The following CNTLN variants were observed in gnomAD, a reference collection of about 807,000 sequenced individuals.
CNTLN encodes centlein.
A neutral mutation model predicts 180.0 loss-of-function variants in CNTLN; 212 were observed. That is an observed-to-expected ratio of 1.18 (90% confidence interval 1.05 to 1.32). CNTLN has a LOEUF of 1.32. CNTLN is among the 40% of genes most tolerant of loss of function. CNTLN has a pLI of 0.00. For missense variants in CNTLN, 2,095 were observed against 1,610.9 expected, an observed-to-expected ratio of 1.30 and a Z score of -5.14; for synonymous variants, 722 against 563.1, an observed-to-expected ratio of 1.28 and a Z score of -3.99.
In CNTLN at chr9:17,244,211, T is replaced by C. The variant is rs556066080; in HGVS notation, c.849+7623T>C. Among the ~76,000 whole-genome samples the C allele has an allele frequency of 3.3e-4, 26 of 79,164 alleles. No individual in the cohort carries two copies. The East Asian group carries it at 8.2e-3, about 25-fold the overall frequency. 51.9% of individuals were successfully genotyped at this position (79,164 alleles called of 152,430 possible). A position where few individuals can be genotyped will look rare whatever the true frequency, so the allele number is the denominator to read the frequency against. On this transcript the variant is annotated intron_variant, in intron 5 of 25. Transcript: ENST00000380647. ...TATGTATTTTTATAGGTTAGGTTTTTGTTTTTGTTTTTTTTTTTGACACAT... is the reference window on the plus strand; with the variant it reads ...TATGTATTTTTATAGGTTAGGTTTTCGTTTTTGTTTTTTTTTTTGACACAT...
At position 17,355,488 on chromosome 9, in the gene CNTLN, T is replaced by C. The variant is rs776750302; in HGVS notation, c.1887-11129T>C. Among the ~76,000 whole-genome samples the C allele has an allele frequency of 6.9e-4, 105 of 152,356 alleles. 1 individual carries two copies. In the Middle Eastern group the frequency reaches 0.031, roughly 44 times the overall value. ...GTTGTAGCTTATGCTTTTGGTGTCATAATCTCAGAATCCATAATGAAATCC... is the reference window on the plus strand; with the variant it reads ...GTTGTAGCTTATGCTTTTGGTGTCACAATCTCAGAATCCATAATGAAATCC... On this transcript the variant is annotated intron_variant, in intron 12 of 25. Coordinates refer to ENST00000380647, the MANE Select transcript of CNTLN (RefSeq NM_017738.4).
intron 23 of CNTLN, among the ~76,000 whole-genome samples, chr9:17,471,730 G>A (rs1454748955): frequency 2.0e-5 from 3 of 151,942 alleles, no homozygotes; most frequent in African/African-American, 4.8e-5. Context: ...CCTTTGAGGT[G>A]GCTTTAGAGT....
At chr9:17,177,541 G>A (rs1003966817) in intron 2 of CNTLN, among the ~76,000 whole-genome samples, 2 of 152,206 alleles carry the variant, frequency 1.3e-5, no homozygotes, top group Non-Finnish European at 2.9e-5. Context: ...AAGGCGGTGT[G>A]TCCGAAGTTT....
chr9:17,377,148 T>C lies in CNTLN; in HGVS notation c.1987+10431T>C, dbSNP rs185139459. Among the ~76,000 whole-genome samples the C allele has an allele frequency of 3.0e-3, 454 of 152,342 alleles. 2 individuals carry two copies. The highest frequency in any genetic ancestry group is 0.01 in the African/African-American group (423 of 41,574). On this transcript the variant is annotated intron_variant, in intron 13 of 25. Transcript: ENST00000380647. Reference sequence around the variant, plus strand: ...AATAATTTCCTCAGCTTTAAAGTCTTGTCTCTCTATATAACGAATTCAGTA... The same window carrying C: ...AATAATTTCCTCAGCTTTAAAGTCTCGTCTCTCTATATAACGAATTCAGTA...
At chr9:17,421,936 A>G (rs1293384170) in intron 18 of CNTLN, among the ~76,000 whole-genome samples, 2 of 152,150 alleles carry the variant, frequency 1.3e-5, no homozygotes, top group African/African-American at 2.4e-5. Context: ...ACACATCACA[A>G]TTACACTGTT....
In CNTLN at chr9:17,337,152, G is replaced by C. The variant is rs1362797835; in HGVS notation, c.1645-3675G>C. 4.6e-5 allele frequency among the ~76,000 whole-genome samples: 7 copies of C among 151,934 alleles called. No individual in the cohort carries two copies. In the East Asian group the frequency reaches 1.4e-3, roughly 29 times the overall value. On this transcript the variant is annotated intron_variant, in intron 10 of 25. Transcript: ENST00000380647. ...ATATCCTTCGCCCACTTTTTGATGG[G>C]GTTGTTTGTTTTTTTCTTGTAAATT...
chr9:17,184,982 C>G (rs1168813294), intron 2 of CNTLN, among the ~76,000 whole-genome samples: 1 of 152,152 alleles, frequency 6.6e-6, no homozygotes, highest in Non-Finnish European at 1.5e-5. Flanking sequence ...AGTCTCAGAA[C>G]TTTATAAAAG....
In CNTLN at chr9:17,359,032, C is replaced by T. The variant is rs904434435; in HGVS notation, c.1887-7585C>T. On this transcript the variant is annotated intron_variant, in intron 12 of 25. Coordinates refer to ENST00000380647, the MANE Select transcript of CNTLN (RefSeq NM_017738.4). Reference sequence around the variant, plus strand: ...TCTCCCCTCCCCTCCCCTCCCCTCTCTTTTTGAAATAAGGTCTTACTTTGT... The same window carrying T: ...TCTCCCCTCCCCTCCCCTCCCCTCTTTTTTTGAAATAAGGTCTTACTTTGT... Among the ~76,000 whole-genome samples, 6 of 151,254 alleles carry T rather than the reference C, an allele frequency of 4.0e-5. 1 individual carries two copies. The highest frequency in any genetic ancestry group is 7.4e-5 in the Non-Finnish European group (5 of 67,800).
chr9:17,484,503 T>A, intron 24 of CNTLN, 23 bp downstream of exon 24: 1 of 1,547,304 alleles, frequency 6.5e-7, no homozygotes, highest in Non-Finnish European at 8.7e-7. Flanking sequence ...AAATATTTAT[T>A]ATTAAAGGGT....
intron 2 of CNTLN, among the ~76,000 whole-genome samples, chr9:17,203,682 G>A (rs549637706): frequency 2.0e-5 from 3 of 152,084 alleles, no homozygotes; most frequent in Non-Finnish European, 4.4e-5. Flanking sequence ...TCAGCCTCCT[G>A]AGTAGCCGGG....
intron 24 of CNTLN, among the ~76,000 whole-genome samples, chr9:17,484,786 C>A (rs1832817434): frequency 6.6e-6 from 1 of 151,972 alleles, no homozygotes; most frequent in Non-Finnish European, 1.5e-5. Flanking sequence ...ATCATGTAAA[C>A]CAGTATACTT....
intron 18 of CNTLN, among the ~76,000 whole-genome samples, chr9:17,449,735 A>T (rs930704521): frequency 7.9e-5 from 12 of 152,230 alleles, no homozygotes; most frequent in African/African-American, 2.9e-4. Flanking sequence ...ATGTGGTTCA[A>T]CAAATCCAAT....
chr9:17,229,132 G>A (rs557063114), intron 3 of CNTLN, among the ~76,000 whole-genome samples: 112 of 152,074 alleles, frequency 7.4e-4, no homozygotes, highest in African/African-American at 2.6e-3. Flanking sequence ...TAGTGAAAGA[G>A]GTGAAAAGAC....
intron 16 of CNTLN, 80 bp from the exon 17 acceptor site, chr9:17,415,708 T>C: frequency 2.2e-6 from 2 of 921,546 alleles, no homozygotes. Context: ...ATTTTTTAAG[T>C]AAAGAGATGT....
chr9:17,460,881 A>C (rs1831407465), intron 19 of CNTLN, among the ~76,000 whole-genome samples: 1 of 151,710 alleles, frequency 6.6e-6, no homozygotes, highest in South Asian at 2.1e-4. Flanking sequence ...TCAGCAGAAA[A>C]CACCTTCAGT....
chr9:17,293,025 C>T (rs575083904), intron 6 of CNTLN, among the ~76,000 whole-genome samples: 10 of 152,146 alleles, frequency 6.6e-5, no homozygotes, highest in African/African-American at 9.7e-5. Flanking sequence ...GCCCCTCTTC[C>T]GGAGGGCTGC....
intron 6 of CNTLN, among the ~76,000 whole-genome samples, chr9:17,277,781 G>A (rs967786538): frequency 2.0e-5 from 3 of 152,070 alleles, no homozygotes; most frequent in Non-Finnish European, 4.4e-5. Flanking sequence ...GGTATGAAGT[G>A]CACATATAAT....
At chr9:17,412,359 C>T (rs1222478845) in intron 16 of CNTLN, among the ~76,000 whole-genome samples, 1 of 152,158 alleles carries the variant, frequency 6.6e-6, no homozygotes, top group Non-Finnish European at 1.5e-5. Flanking sequence ...AATCACACCT[C>T]ATACCAAGAT....
At chr9:17,368,133 C>T (rs1020150789) in intron 13 of CNTLN, among the ~76,000 whole-genome samples, 3 of 149,570 alleles carry the variant, frequency 2.0e-5, no homozygotes, top group African/African-American at 4.9e-5. Context: ...AAAGGTGAGT[C>T]CCAGGCCTGG....
Sources: allele counts gnomAD v4.1 joint callset (sites outside exome capture counted in the v4.1 genomes callset), GRCh38; gene constraint gnomAD v4.1.1; transcripts MANE v1.5; gene names NCBI Gene and HGNC (gene_info 2026-07-23, HGNC 2026-07-21).